KCNQ1: variants seen among roughly 807,000 people sequenced by gnomAD.
The protein encoded by KCNQ1 is potassium voltage-gated channel subfamily Q member 1, also known as potassium voltage-gated channel subfamily KQT member 1.
In KCNQ1, 49 loss-of-function variants were observed where a neutral mutation model predicts 72.4. That is an observed-to-expected ratio of 0.68 (90% CI 0.54 to 0.86). The LOEUF is 0.86. KCNQ1 is among the 40% of genes least tolerant of loss of function. KCNQ1 has a pLI of 0.00. For synonymous variants in KCNQ1, 450 were observed against 412.6 expected (o/e 1.09, Z -1.10); for missense variants, 790 against 945.1 (o/e 0.84, Z 2.15).
chr11:2,730,781 A>C (rs1467418133), intron 11 of KCNQ1, among the ~76,000 whole-genome samples: 3 of 152,108 alleles, frequency 2.0e-5, no homozygotes, highest in Admixed American at 2.0e-4. Flanking sequence ...GTTCTTCAGT[A>C]ATGGTGGTTT....
At chr11:2,708,213 A>G (rs1564866316) in intron 11 of KCNQ1, among the ~76,000 whole-genome samples, 1 of 152,122 alleles carries the variant, frequency 6.6e-6, no homozygotes, top group Non-Finnish European at 1.5e-5. Flanking sequence ...TCCTGAACCC[A>G]CCGTGCACAC....
chr11:2,834,555 G>T (rs1438721602), intron 15 of KCNQ1, among the ~76,000 whole-genome samples: 2 of 152,208 alleles, frequency 1.3e-5, no homozygotes, highest in African/African-American at 4.8e-5. Flanking sequence ...CAGCACCAGA[G>T]CTGGGCCCAC....
chr11:2,777,254 A>G (rs1338474517), intron 14 of KCNQ1, among the ~76,000 whole-genome samples: 3 of 151,948 alleles, frequency 2.0e-5, no homozygotes, highest in African/African-American at 7.2e-5. Context: ...ATAAGAACCT[A>G]CCTGGGTCCC....
Position 2,627,107 on chromosome 11 carries a change from G to C in KCNQ1, c.1394-34854G>C. 2.5e-6 allele frequency: 1 copy of C among 398,360 alleles called. No individual in the cohort carries two copies. The highest frequency in any genetic ancestry group is 1.3e-4 in the South Asian group (1 of 7,844). The allele number at this position is 398,360 out of a possible 1,614,324, so 24.7% of individuals were successfully genotyped here. On this transcript the variant is annotated intron_variant, in intron 10 of 15. Coordinates refer to ENST00000155840, the MANE Select transcript of KCNQ1 (RefSeq NM_000218.3). This position sits in a 1 kb window ranked among gnomAD's most constrained non-coding sequence, Gnocchi z 4.9. ...CTTTAATTTCTTTCAGCATTGTTTT[G>C]TAATTTTCATTGTACAAGACTTTCA...
At position 2,515,026 on chromosome 11, in the gene KCNQ1, G is replaced by GT. The variant is rs201723520; in HGVS notation, c.387-12895dup. 9.4e-4 allele frequency among the ~76,000 whole-genome samples: 143 copies of GT among 152,252 alleles called. No homozygotes were observed. The East Asian group carries it at 0.025, about 27-fold the overall frequency. Reference sequence around the variant, plus strand: ...CTGCCTGCTTCCTCAAGTCTTTCTTGTTTTTTTATGTTATTTTATTTTAGA... The same window carrying GT: ...CTGCCTGCTTCCTCAAGTCTTTCTTGTTTTTTTTATGTTATTTTATTTTAGA... On this transcript the variant is annotated intron_variant, in intron 1 of 15. Transcript: ENST00000155840. This position sits in a 1 kb window ranked among gnomAD's most constrained non-coding sequence, Gnocchi z 4.7.
intron 15 of KCNQ1, among the ~76,000 whole-genome samples, chr11:2,798,133 ACTTGTGGCCCAG>A (rs1028924748): frequency 4.1e-5 from 3 of 73,278 alleles, no homozygotes; most frequent in South Asian, 5.1e-4. Context: ...CAGTGCCCCC[ACTTGTGGCCCAG>A]GCCCAAGCAA....
chr11:2,700,107 G>A, intron 11 of KCNQ1: 1 of 397,544 alleles, frequency 2.5e-6, no homozygotes, highest in Non-Finnish European at 4.4e-6. Flanking sequence ...GCTGCTGCAC[G>A]GATTGGCTGG....
chr11:2,448,641 T>C (rs966485497), intron 1 of KCNQ1, among the ~76,000 whole-genome samples: 27 of 152,196 alleles, frequency 1.8e-4, no homozygotes, highest in African/African-American at 5.1e-4. Flanking sequence ...AGGACGGGGC[T>C]CTCTGAGCCA....
At chr11:2,776,820 G>C (rs886879798) in intron 13 of KCNQ1, among the ~76,000 whole-genome samples, 166 bp from the exon 14 acceptor site, 3 of 152,214 alleles carry the variant, frequency 2.0e-5, no homozygotes, top group Non-Finnish European at 2.9e-5. Flanking sequence ...TGGCCCTCTG[G>C]GGGGTTGGGA....
chr11:2,643,482 G>C (rs576675396), intron 10 of KCNQ1: 2 of 398,266 alleles, frequency 5.0e-6, no homozygotes, highest in South Asian at 2.5e-4. Flanking sequence ...CTCCTGTTTG[G>C]TTTTTGTTTC....
At position 2,563,741 on chromosome 11, in the gene KCNQ1, AATTTT is replaced by A. The variant is rs1264438897; in HGVS notation, c.478-6885_478-6881del. On this transcript the variant is annotated intron_variant, in intron 2 of 15. Coordinates refer to ENST00000155840, the MANE Select transcript of KCNQ1 (RefSeq NM_000218.3). This position sits in a 1 kb window ranked among gnomAD's most constrained non-coding sequence, Gnocchi z 7.4. Reference sequence around the variant, plus strand: ...CGTTCCGATGAAACAAGATTAGGGGAATTTTACAGCTTGCCTGTGTTTTTCCACCC... The same window carrying A: ...CGTTCCGATGAAACAAGATTAGGGGAACAGCTTGCCTGTGTTTTTCCACCC... 6.6e-6 allele frequency among the ~76,000 whole-genome samples: 1 copy of A among 152,070 alleles called. No individual in the cohort carries two copies. The highest frequency in any genetic ancestry group is 1.5e-5 in the Non-Finnish European group (1 of 68,016).
Position 2,507,884 on chromosome 11 carries a change from G to T in KCNQ1, c.387-20044G>T, listed in dbSNP as rs1847129894. Among the ~76,000 whole-genome samples the T allele has an allele frequency of 6.6e-6, 1 of 152,166 alleles. No homozygotes were observed. Among genetic ancestry groups the T allele is most frequent in the Non-Finnish European group, 1.5e-5 (1 of 68,026 alleles). On this transcript the variant is annotated intron_variant, in intron 1 of 15. Coordinates refer to ENST00000155840, the MANE Select transcript of KCNQ1 (RefSeq NM_000218.3). This position sits in a 1 kb window ranked among gnomAD's most constrained non-coding sequence, Gnocchi z 5.4. ...TGGGTGTCCTGCAGCCTCCACAGGG[G>T]CAATGGAGGAAGAACAAAGGACTCT...
rs1490286772 is a variant in KCNQ1 at position 2,627,314 on chromosome 11, G to A, written c.1394-34647G>A. The A allele has an allele frequency of 1.5e-5, 6 of 398,434 alleles. No homozygotes were observed. The highest frequency in any genetic ancestry group is 7.1e-5 in the East Asian group (2 of 28,068). 24.7% of individuals were successfully genotyped at this position (398,434 alleles called of 1,614,324 possible). A position where few individuals can be genotyped will look rare whatever the true frequency, so the allele number is the denominator to read the frequency against. The stretch of plus-strand genomic sequence containing the variant: ...ACATAGTTGCCATGTGTGTGCGTGT[G>A]TGTGGTCAGAATACCTAAGCTATAC... On this transcript the variant is annotated intron_variant, in intron 10 of 15. Transcript: ENST00000155840. The surrounding 1 kb of genome is among the most constrained non-coding windows in gnomAD (Gnocchi z 4.9).
At chr11:2,640,303 G>A (rs371129397) in intron 10 of KCNQ1, 3 of 398,032 alleles carry the variant, frequency 7.5e-6, no homozygotes, top group East Asian at 7.1e-5. Flanking sequence ...CGTCACTCAC[G>A]CTGGGAGCTA....
In KCNQ1 at chr11:2,782,717, A is replaced by G. The variant is rs193174058; in HGVS notation, c.1794+4680A>G. ...ATTTATACATTTCATTTTAGTTTCC[A>G]TGTTCATTGGCATTTATTATAATTT... is the stretch of plus-strand genomic sequence containing the variant. On this transcript the variant is annotated intron_variant, in intron 15 of 15. Coordinates refer to ENST00000155840, the MANE Select transcript of KCNQ1 (RefSeq NM_000218.3). This position sits in a 1 kb window ranked among gnomAD's most constrained non-coding sequence, Gnocchi z 6.1. Among the ~76,000 whole-genome samples the G allele has an allele frequency of 3.0e-3, 452 of 152,252 alleles. 2 individuals carry two copies. Among genetic ancestry groups the G allele is most frequent in the African/African-American group, 0.011 (437 of 41,570 alleles).
At position 2,572,944 on chromosome 11, in the gene KCNQ1, C is replaced by A. The variant is rs181106858; in HGVS notation, c.879C>A (p.Arg293=). Residue 293 remains arginine (R), a synonymous_variant, in exon 6 of 16, where the codon CGC becomes CGA. Transcript: ENST00000155840. ...AEKDAVNESG[R]VEFGSYADAL... is the part of the protein sequence containing the mutation. ...AGGACGCGGTGAACGAGTCAGGCCGCGTGGAGTTCGGCAGCTACGCAGATG... is the reference window on the plus strand; with the variant it reads ...AGGACGCGGTGAACGAGTCAGGCCGAGTGGAGTTCGGCAGCTACGCAGATG... The A allele has an allele frequency of 1.7e-5, 27 of 1,613,812 alleles. No homozygotes were observed. In the African/African-American group the frequency reaches 3.2e-4, roughly 19 times the overall value.
Position 2,687,484 on chromosome 11 carries a change from C to T in KCNQ1, c.1514+25403C>T, listed in dbSNP as rs1564858327. On this transcript the variant is annotated intron_variant, in intron 11 of 15. Transcript: ENST00000155840. The surrounding 1 kb of genome is among the most constrained non-coding windows in gnomAD (Gnocchi z 5.0). ...AGCTGCTGCAGCATTTCAATAGGGC[C>T]ATCCCAGGCACCCTAGGACTTGAGA... is the stretch of plus-strand genomic sequence containing the variant. 4 of 398,698 alleles carry T rather than the reference C, an allele frequency of 1.0e-5. No homozygotes were observed. Among genetic ancestry groups the T allele is most frequent in the Non-Finnish European group, 1.8e-5 (4 of 226,252 alleles). The allele number at this position is 398,698 out of a possible 1,614,324, so 24.7% of individuals were successfully genotyped here. A position where few individuals can be genotyped will look rare whatever the true frequency, so the allele number is the denominator to read the frequency against.
chr11:2,840,654 T>C (rs1345942587), intron 15 of KCNQ1, among the ~76,000 whole-genome samples: 1 of 152,130 alleles, frequency 6.6e-6, no homozygotes, highest in East Asian at 1.9e-4. Context: ...GACCTCTGTG[T>C]GGCAAAACAA....
intron 11 of KCNQ1, among the ~76,000 whole-genome samples, chr11:2,705,262 G>T (rs1816336871): frequency 6.6e-6 from 1 of 152,212 alleles, no homozygotes; most frequent in South Asian, 2.1e-4. Context: ...ACGGGTGGGG[G>T]GTCTGGAGTT....
Sources: allele counts gnomAD v4.1 joint callset (sites outside exome capture counted in the v4.1 genomes callset), GRCh38; gene constraint gnomAD v4.1.1; non-coding constraint Gnocchi (gnomAD v3.1); transcripts MANE v1.5; gene names NCBI Gene and HGNC (gene_info 2026-07-23, HGNC 2026-07-21).